SNX29: variants seen among roughly 807,000 people sequenced by gnomAD.
The protein encoded by SNX29 is sorting nexin-29.
A neutral mutation model predicts 102.1 loss-of-function variants in SNX29; 78 were observed. The observed-to-expected ratio is 0.76, with a 90% CI of 0.64 to 0.92. The LOEUF (loss-of-function observed/expected upper bound fraction) is 0.92, where lower values mean the gene tolerates loss of function less well. SNX29 is among the 40% of genes least tolerant of loss of function. The pLI, the probability that SNX29 is intolerant of heterozygous loss-of-function variation, is 0.00. For synonymous variants in SNX29, 580 were observed against 414.5 expected (o/e 1.40, Z -4.85); for missense variants, 1,280 against 1,061.7 (o/e 1.21, Z -2.86).
intron 15 of SNX29, among the ~76,000 whole-genome samples, chr16:12,343,803 G>A (rs2081689563): frequency 6.6e-6 from 1 of 152,180 alleles, no homozygotes; most frequent in Admixed American, 6.5e-5. Context: ...ATAAATGTTT[G>A]TTGAATGAAT....
At chr16:12,417,139 G>A (rs549523560) in intron 18 of SNX29, among the ~76,000 whole-genome samples, 102 of 152,316 alleles carry the variant, frequency 6.7e-4, no homozygotes, top group Middle Eastern at 6.8e-3. Context: ...GACAATCAGG[G>A]GCGGTTTGCA....
intron 14 of SNX29, among the ~76,000 whole-genome samples, chr16:12,248,322 T>A (rs918314776): frequency 6.6e-6 from 1 of 152,060 alleles, no homozygotes. Flanking sequence ...TTGCTCTTGC[T>A]TCCCCTGTTT....
chr16:12,209,470 A>T (rs1047584671), intron 14 of SNX29, among the ~76,000 whole-genome samples: 1 of 152,180 alleles, frequency 6.6e-6, no homozygotes, highest in African/African-American at 2.4e-5. Context: ...GATTACAGGC[A>T]TGAGCCACTG....
chr16:12,078,265 A>T (rs1160074302), intron 10 of SNX29, among the ~76,000 whole-genome samples: 3 of 152,088 alleles, frequency 2.0e-5, no homozygotes, highest in African/African-American at 7.2e-5. Flanking sequence ...ACTTGAGGTC[A>T]GGACTTTGAG....
At chr16:12,150,082 G>A (rs1233431217) in intron 13 of SNX29, among the ~76,000 whole-genome samples, 1 of 152,164 alleles carries the variant, frequency 6.6e-6, no homozygotes, top group East Asian at 1.9e-4. Context: ...CCAATGAGGA[G>A]TTTGGCCTCG....
At chr16:12,216,663 C>T (rs1014815718) in intron 14 of SNX29, among the ~76,000 whole-genome samples, 1 of 152,148 alleles carries the variant, frequency 6.6e-6, no homozygotes, top group African/African-American at 2.4e-5. Context: ...CTAGCTCTGC[C>T]CTTTGCTAGC....
chr16:12,027,563 A>G (rs1321738966), intron 4 of SNX29, 119 bp downstream of exon 4: 13 of 1,217,834 alleles, frequency 1.1e-5, no homozygotes, highest in East Asian at 2.5e-5. Context: ...GGGGTGGTGT[A>G]TGGGCACAGA....
At chr16:12,415,183 C>G (rs977630282) in intron 18 of SNX29, among the ~76,000 whole-genome samples, 1 of 152,254 alleles carries the variant, frequency 6.6e-6, no homozygotes, top group Non-Finnish European at 1.5e-5. Flanking sequence ...CCAGGACCCA[C>G]AAACTGGCAG....
At chr16:12,460,821 C>T (rs893854112) in intron 18 of SNX29, among the ~76,000 whole-genome samples, 2 of 152,008 alleles carry the variant, frequency 1.3e-5, no homozygotes, top group East Asian at 1.9e-4. Flanking sequence ...CCACCATGCC[C>T]GGCTAATTTT....
chr16:12,449,517 A>T (rs1217550489), intron 18 of SNX29, among the ~76,000 whole-genome samples: 1 of 152,122 alleles, frequency 6.6e-6, no homozygotes, highest in Admixed American at 6.5e-5. Flanking sequence ...CTTACAGAAA[A>T]AGGGAATTTG....
intron 20 of SNX29, among the ~76,000 whole-genome samples, chr16:12,542,775 A>G (rs1275894818): frequency 1.3e-5 from 2 of 151,038 alleles, no homozygotes; most frequent in Non-Finnish European, 2.9e-5. Flanking sequence ...TTTTTTTTTA[A>G]ACAAAGTATT....
rs2077293 is a variant in SNX29 at position 12,569,566 on chromosome 16, T to C, written c.*937T>C. The C allele has an allele frequency of 2.1e-3, 485 of 231,042 alleles. 4 individuals are homozygous for C. Among genetic ancestry groups the C allele is most frequent in the African/African-American group, 0.01 (470 of 45,328 alleles). The allele number at this position is 231,042 out of a possible 1,614,324, so 14.3% of individuals were successfully genotyped here. On this transcript the variant is annotated 3_prime_UTR_variant, in exon 21 of 21. Transcript: ENST00000566228. ...GGACACTTAACAGATCATGTGTCTC[T>C]CCACTAAAAACATTTTCCATCCCGT...
At chr16:12,149,383 A>AC in intron 13 of SNX29, among the ~76,000 whole-genome samples, 1 of 152,322 alleles carries the variant, frequency 6.6e-6, no homozygotes, top group African/African-American at 2.4e-5. Context: ...TTAGTGGAGC[A>AC]CATTGTCACT....
At chr16:12,305,659 C>G (rs1020179567) in intron 15 of SNX29, among the ~76,000 whole-genome samples, 10 of 152,208 alleles carry the variant, frequency 6.6e-5, no homozygotes, top group Admixed American at 2.0e-4. Flanking sequence ...ATCATGATTA[C>G]TGAGCTTTTT....
chr16:12,075,424 TC>T (rs1567182971), intron 10 of SNX29, among the ~76,000 whole-genome samples: 1 of 152,176 alleles, frequency 6.6e-6, no homozygotes, highest in African/African-American at 2.4e-5. Flanking sequence ...TTGCTAGAGG[TC>T]CACTCCAGAC....
rs1008417771 is a variant in SNX29 at position 12,163,383 on chromosome 16, G to A, written c.1595+33625G>A. Among the ~76,000 whole-genome samples, 3 of 152,254 alleles carry A rather than the reference G, an allele frequency of 2.0e-5. No individual in the cohort carries two copies. In the South Asian group the frequency reaches 6.2e-4, roughly 32 times the overall value. On this transcript the variant is annotated intron_variant, in intron 13 of 20. Transcript: ENST00000566228. The stretch of plus-strand genomic sequence containing the variant: ...TTTACGAGAAGCTTGAGAGGGCCTG[G>A]TGTGTTTGACGGACTAGACTCTGCT...
chr16:12,468,208 A>C (rs1321565981), intron 18 of SNX29, among the ~76,000 whole-genome samples: 2 of 107,704 alleles, frequency 1.9e-5, no homozygotes, highest in African/African-American at 3.4e-5. Context: ...GGGGAGTTTT[A>C]CTGTTTCCCA....
chr16:12,271,678 A>C (rs547597498), intron 14 of SNX29, among the ~76,000 whole-genome samples: 1 of 151,338 alleles, frequency 6.6e-6, no homozygotes, highest in South Asian at 2.1e-4. Flanking sequence ...GCTGGAGTGC[A>C]GTGGCGTGAT....
At chr16:12,539,245 A>G (rs996481030) in intron 20 of SNX29, among the ~76,000 whole-genome samples, 1 of 152,054 alleles carries the variant, frequency 6.6e-6, no homozygotes, top group African/African-American at 2.4e-5. Flanking sequence ...TCACCCTAAA[A>G]AGCTGTTTTC....
Sources: gnomAD v4.1 joint callset for allele counts (sites outside exome capture counted in the v4.1 genomes callset) on GRCh38, gnomAD v4.1.1 for gene constraint, MANE v1.5 for transcripts, NCBI Gene and HGNC (gene_info 2026-07-23, HGNC 2026-07-21) for gene names.